STIM1: variants seen among roughly 807,000 people sequenced by gnomAD.
The protein encoded by STIM1 is stromal interaction molecule 1.
In STIM1, 25 loss-of-function variants were observed where a neutral mutation model predicts 74.7. That is an observed-to-expected ratio of 0.33 (90% CI 0.24 to 0.47). The LOEUF is 0.47. Ranked by LOEUF, STIM1 falls within the 20% of genes least tolerant of loss-of-function variation. The pLI, the probability that STIM1 is intolerant of heterozygous loss-of-function variation, is 1.00. For synonymous variants in STIM1, 328 were observed against 348.8 expected, an observed-to-expected ratio of 0.94 and a Z score of 0.66; for missense variants, 728 against 920.8, an observed-to-expected ratio of 0.79 and a Z score of 2.71.
chr11:3,881,085 G>A (rs1281644466), intron 1 of STIM1, among the ~76,000 whole-genome samples: 14 of 139,492 alleles, frequency 1.0e-4, no homozygotes, highest in Non-Finnish European at 1.1e-4. Flanking sequence ...GACGTAGGCC[G>A]TTTATTAAAA....
intron 1 of STIM1, among the ~76,000 whole-genome samples, chr11:3,871,979 A>G (rs1338742495): frequency 4.6e-5 from 7 of 152,108 alleles, no homozygotes; most frequent in Admixed American, 4.6e-4. Flanking sequence ...GTTCTTTGCA[A>G]TTCTTTGGTT....
At chr11:3,895,626 CTT>C (rs201702330) in intron 1 of STIM1, among the ~76,000 whole-genome samples, 17,027 of 40,324 alleles carry the variant, frequency 0.42, 2,504 homozygotes, top group South Asian at 0.46. Context: ...TTCTTTCTTT[CTT>C]TCTTTCTTTC....
intron 12 of STIM1, chr11:4,088,874 T>G (rs2094507970): frequency 2.3e-6 from 2 of 861,398 alleles, no homozygotes; most frequent in African/African-American, 3.4e-5. Context: ...CTCCCTAGGC[T>G]TCCTCCCAGG....
At position 3,919,410 on chromosome 11, in the gene STIM1, G is replaced by C. The variant is rs568386652; in HGVS notation, c.140-48142G>C. ...AGTAGAGACGGGGTTTCACCATCTT[G>C]GCCAGGCTGGTCTCGAACTCCTGAC... On this transcript the variant is annotated intron_variant, in intron 1 of 12. Coordinates refer to ENST00000526596, the MANE Select transcript of STIM1 (RefSeq NM_001382567.1). Among the ~76,000 whole-genome samples the C allele has an allele frequency of 2.7e-3, 411 of 152,140 alleles. 2 individuals are homozygous for C. Among genetic ancestry groups the C allele is most frequent in the Admixed American group, 5.8e-3 (89 of 15,274 alleles).
Position 3,912,446 on chromosome 11 carries a change from C to A in STIM1, c.140-55106C>A, listed in dbSNP as rs1404102484. Among the ~76,000 whole-genome samples the A allele has an allele frequency of 2.0e-5, 3 of 151,496 alleles. No individual in the cohort carries two copies. The East Asian group carries it at 5.9e-4, about 30-fold the overall frequency. The stretch of plus-strand genomic sequence containing the variant: ...ATGGTGCGATCTCAGCTCACTGCAA[C>A]CTCCGCCTCCCAGATTCAAGTGATT... On this transcript the variant is annotated intron_variant, in intron 1 of 12. Transcript: ENST00000526596.
chr11:4,060,336 G>A (rs756570902), intron 5 of STIM1, among the ~76,000 whole-genome samples: 1 of 152,234 alleles, frequency 6.6e-6, no homozygotes, highest in Middle Eastern at 3.2e-3. Flanking sequence ...GCCAGCAGAA[G>A]AATGCTATTG....
chr11:4,084,194 C>T (rs1430413238), intron 10 of STIM1, among the ~76,000 whole-genome samples: 1 of 152,142 alleles, frequency 6.6e-6, no homozygotes, highest in Non-Finnish European at 1.5e-5. Context: ...CCCTTACTGG[C>T]CCACAATTGA....
chr11:4,002,965 T>C (rs1433497673), intron 2 of STIM1, among the ~76,000 whole-genome samples: 3 of 145,604 alleles, frequency 2.1e-5, no homozygotes, highest in Non-Finnish European at 3.1e-5. Context: ...AACACCTCTA[T>C]GCAAATATAC....
At chr11:3,951,628 G>A (rs2093149264) in intron 1 of STIM1, among the ~76,000 whole-genome samples, 1 of 152,136 alleles carries the variant, frequency 6.6e-6, no homozygotes, top group South Asian at 2.1e-4. Context: ...GGGACTGATT[G>A]TTGGGAACCA....
Position 3,965,229 on chromosome 11 carries a change from G to T in STIM1, c.140-2323G>T, listed in dbSNP as rs924031014. Reference sequence around the variant, plus strand: ...TTTTGTGCTACAATGGCAGAGTTAAGTTGTGCAACAGAGACTATATGGCTG... The same window carrying T: ...TTTTGTGCTACAATGGCAGAGTTAATTTGTGCAACAGAGACTATATGGCTG... On this transcript the variant is annotated intron_variant, in intron 1 of 12. Transcript: ENST00000526596. 1.1e-4 allele frequency among the ~76,000 whole-genome samples: 17 copies of T among 152,218 alleles called. 1 individual carries two copies. Among genetic ancestry groups the T allele is most frequent in the African/African-American group, 3.9e-4 (16 of 41,450 alleles).
intron 2 of STIM1, among the ~76,000 whole-genome samples, chr11:3,992,301 C>G (rs550639946): frequency 4.4e-4 from 66 of 151,362 alleles, no homozygotes; most frequent in African/African-American, 1.3e-3. Flanking sequence ...ATAATTCCAG[C>G]TACTCAGAAG....
At chr11:4,087,621 A>T (rs577209239) in intron 12 of STIM1, among the ~76,000 whole-genome samples, 3 of 152,220 alleles carry the variant, frequency 2.0e-5, no homozygotes, top group Admixed American at 6.5e-5. Flanking sequence ...TTTCTAAGAG[A>T]AAGTGAATCA....
chr11:3,895,687 T>C (rs56207253), intron 1 of STIM1, among the ~76,000 whole-genome samples: 526 of 26,774 alleles, frequency 0.02, 30 homozygotes, highest in Middle Eastern at 0.021. Flanking sequence ...TCCTTCCTTC[T>C]TTCTTTCTTT....
intron 1 of STIM1, among the ~76,000 whole-genome samples, chr11:3,957,234 A>G (rs1411604744): frequency 6.6e-6 from 1 of 152,082 alleles, no homozygotes. Context: ...ATGGACCTGT[A>G]TATATAGTTG....
At chr11:3,969,959 G>A (rs2093375671) in intron 2 of STIM1, among the ~76,000 whole-genome samples, 1 of 152,226 alleles carries the variant, frequency 6.6e-6, no homozygotes, top group South Asian at 2.1e-4. Flanking sequence ...ATGAGGCCTA[G>A]TGGCATCCTG....
Position 4,091,709 on chromosome 11 carries a change from G to A in STIM1, c.2062G>A (p.Asp688Asn), listed in dbSNP as rs142357642. The A allele has an allele frequency of 4.3e-6, 7 of 1,614,028 alleles. No individual in the cohort carries two copies. The highest frequency in any genetic ancestry group is 2.7e-5 in the African/African-American group (2 of 74,926). ...LAGKKAVAEE[D>N]NGSIGEETDS... The stretch of plus-strand genomic sequence containing the variant: ...TGGCAAGAAGGCTGTGGCTGAGGAG[G>A]ATAATGGCTCTATTGGCGAGGAAAC... The change falls in exon 13 of 13, where the codon GAT becomes AAT. Residue 688 changes from aspartate to asparagine, a missense_variant. Transcript: ENST00000526596.
chr11:3,985,314 T>C (rs2093548275), intron 2 of STIM1, among the ~76,000 whole-genome samples: 1 of 152,234 alleles, frequency 6.6e-6, no homozygotes, highest in Non-Finnish European at 1.5e-5. Flanking sequence ...TATATATGTG[T>C]ATATGTCTAT....
intron 1 of STIM1, among the ~76,000 whole-genome samples, chr11:3,882,244 C>T (rs761288812): frequency 4.6e-5 from 7 of 151,580 alleles, no homozygotes; most frequent in Admixed American, 2.0e-4. Flanking sequence ...GGATTACAGG[C>T]GTGCGCCACC....
chr11:3,882,280 G>T (rs1417202831), intron 1 of STIM1, among the ~76,000 whole-genome samples: 1 of 150,552 alleles, frequency 6.6e-6, no homozygotes, highest in African/African-American at 2.4e-5. Context: ...TGCAGTTTTA[G>T]TAGAGACGGG....
Sources: gnomAD v4.1 joint callset for allele counts (sites outside exome capture counted in the v4.1 genomes callset) on GRCh38, gnomAD v4.1.1 for gene constraint, MANE v1.5 for transcripts, NCBI Gene and HGNC (gene_info 2026-07-23, HGNC 2026-07-21) for gene names.